Variants in PKIB observed in about 807,000 individuals in gnomAD.
PKIB encodes the protein PKI-beta.
Under a neutral mutation model 4.5 loss-of-function variants are expected in PKIB, and 2 were observed. The ratio of observed to expected loss-of-function variants is 0.44; its 90% CI spans 0.18 to 1.39. The LOEUF is 1.39. PKIB is among the 40% of genes most tolerant of loss of function. The pLI is 0.27. For missense variants in PKIB, 94 were observed against 92.6 expected (o/e 1.02, Z -0.06); for synonymous variants, 38 against 36.0 (o/e 1.06, Z -0.20).
At chr6:122,600,091 C>T (rs1258299354) in intron 3 of PKIB, among the ~76,000 whole-genome samples, 2 of 151,932 alleles carry the variant, frequency 1.3e-5, no homozygotes, top group Non-Finnish European at 2.9e-5. Context: ...ATCACAAGGT[C>T]CCACAATAGG....
chr6:122,578,375 C>T (rs1282541712), intron 2 of PKIB, among the ~76,000 whole-genome samples: 5 of 151,996 alleles, frequency 3.3e-5, no homozygotes, highest in Non-Finnish European at 7.4e-5. Flanking sequence ...CTTTCCTTTT[C>T]GGTATCTTTC....
intron 2 of PKIB, among the ~76,000 whole-genome samples, chr6:122,668,311 T>C (rs2114935496): frequency 6.6e-6 from 1 of 152,240 alleles, no homozygotes; most frequent in South Asian, 2.1e-4. Flanking sequence ...TCCAAACAAT[T>C]GGAAAGACCG....
chr6:122,545,751 C>T (rs988063740), intron 2 of PKIB, among the ~76,000 whole-genome samples: 1 of 150,762 alleles, frequency 6.6e-6, no homozygotes, highest in Non-Finnish European at 1.5e-5. Context: ...GCAATTTACC[C>T]ATGTAACAAA....
Position 122,654,123 on chromosome 6 carries a change from A to T in PKIB, c.-76+20756A>T, listed in dbSNP as rs141695123. ...GCTTGAAGCCAACCTGATAGTTTCC[A>T]TTGCCTCGTCTAGTCTTTCTTAAGC... On this transcript the variant is annotated intron_variant, in intron 2 of 4. Coordinates refer to ENST00000368452, the MANE Select transcript of PKIB (RefSeq NM_181795.3). Among the ~76,000 whole-genome samples, 4 of 152,232 alleles carry T rather than the reference A, an allele frequency of 2.6e-5. No homozygotes were observed. In the East Asian group the frequency reaches 7.7e-4, roughly 29 times the overall value.
rs77095188 is a variant in PKIB, at chr6:122,568,006, C to T, written c.-247-17915C>T. 2.2e-3 allele frequency among the ~76,000 whole-genome samples: 336 copies of T among 152,124 alleles called. 8 individuals carry two copies. The East Asian group carries it at 0.044, about 20-fold the overall frequency. The stretch of plus-strand genomic sequence containing the variant: ...TGTGCCTGAAATATGCTATTATTAA[C>T]ATTATTAATTAAAATATAGACAGAA... On this transcript the variant is annotated intron_variant, in intron 2 of 6. Coordinates refer to the PKIB transcript ENST00000392491.
chr6:122,631,626 A>G (rs1775707169), intron 1 of PKIB, among the ~76,000 whole-genome samples: 1 of 152,202 alleles, frequency 6.6e-6, no homozygotes, highest in African/African-American at 2.4e-5. Flanking sequence ...ACCTGGAGAG[A>G]CAGGCAGGAT....
In PKIB at chr6:122,628,313, AGGCGTGAGCCACC is replaced by A. The variant is rs1775550873; in HGVS notation, c.-160-4968_-160-4956del. Among the ~76,000 whole-genome samples, 16 of 152,372 alleles carry A rather than the reference AGGCGTGAGCCACC, an allele frequency of 1.1e-4. No individual in the cohort carries two copies. The South Asian group carries it at 3.1e-3, about 30-fold the overall frequency. The stretch of plus-strand genomic sequence containing the variant: ...CGGCCTCCCAAAGTGCTGGGATTAC[AGGCGTGAGCCACC>A]GCGCCCGGCCTCCAGTTCTTTCATT... On this transcript the variant is annotated intron_variant, in intron 1 of 4. Coordinates refer to ENST00000368452, the MANE Select transcript of PKIB (RefSeq NM_181795.3).
intron 1 of PKIB, among the ~76,000 whole-genome samples, chr6:122,621,760 T>C (rs1054052744): frequency 1.3e-5 from 2 of 152,364 alleles, no homozygotes; most frequent in African/African-American, 2.4e-5. Flanking sequence ...GTTAAATAGA[T>C]TGGACTTGAT....
At chr6:122,510,389 C>A (rs1776547815) in intron 2 of PKIB, among the ~76,000 whole-genome samples, 1 of 152,148 alleles carries the variant, frequency 6.6e-6, no homozygotes, top group African/African-American at 2.4e-5. Flanking sequence ...GTTTAACATA[C>A]CCTGAGGCAA....
At chr6:122,595,305 T>C (rs1327142252) in intron 3 of PKIB, among the ~76,000 whole-genome samples, 2 of 152,190 alleles carry the variant, frequency 1.3e-5, no homozygotes, top group East Asian at 1.9e-4. Flanking sequence ...TAATTGTGAC[T>C]TCAAAAGACC....
At chr6:122,509,308 C>T (rs1776516266) in intron 2 of PKIB, among the ~76,000 whole-genome samples, 1 of 152,226 alleles carries the variant, frequency 6.6e-6, no homozygotes, top group African/African-American at 2.4e-5. Context: ...GTTAAATTAA[C>T]TTGTCACGTA....
At chr6:122,661,520 A>G (rs1262143245) in intron 2 of PKIB, among the ~76,000 whole-genome samples, 8 of 152,212 alleles carry the variant, frequency 5.3e-5, no homozygotes, top group South Asian at 4.1e-4. Flanking sequence ...GGCATGTATC[A>G]ATCCTTCATT....
At chr6:122,540,814 C>G (rs1777572412) in intron 2 of PKIB, among the ~76,000 whole-genome samples, 2 of 151,792 alleles carry the variant, frequency 1.3e-5, no homozygotes, top group African/African-American at 4.8e-5. Flanking sequence ...GTGTGGGAGT[C>G]TAAGTCTCTT....
At chr6:122,718,367 G>T (rs1232937450) in intron 4 of PKIB, among the ~76,000 whole-genome samples, 3 of 152,090 alleles carry the variant, frequency 2.0e-5, no homozygotes, top group Admixed American at 2.0e-4. Flanking sequence ...ACTGTAGTGT[G>T]CTACAAGCCC....
intron 3 of PKIB, among the ~76,000 whole-genome samples, chr6:122,692,456 C>G (rs1416232523): frequency 6.6e-6 from 1 of 152,206 alleles, no homozygotes; most frequent in Non-Finnish European, 1.5e-5. Flanking sequence ...AGGAATCTCT[C>G]TCTGTGGCCA....
At chr6:122,593,689 T>TA (rs1774082748) in intron 3 of PKIB, among the ~76,000 whole-genome samples, 1 of 152,226 alleles carries the variant, frequency 6.6e-6, no homozygotes, top group Non-Finnish European at 1.5e-5. Flanking sequence ...AAATCTAATG[T>TA]AAAAGCCTTA....
chr6:122,489,064 TG>T (rs1187153882), intron 2 of PKIB, among the ~76,000 whole-genome samples: 6 of 152,264 alleles, frequency 3.9e-5, no homozygotes, highest in African/African-American at 1.4e-4. Context: ...CCCAGAAAGT[TG>T]CCTTCTAGGC....
At chr6:122,713,900 C>T (rs1486860460) in intron 3 of PKIB, among the ~76,000 whole-genome samples, 1 of 152,046 alleles carries the variant, frequency 6.6e-6, no homozygotes, top group African/African-American at 2.4e-5. Context: ...TCCCCTTTTC[C>T]CCCTATAAAT....
At chr6:122,708,059 A>G (rs968154247) in intron 3 of PKIB, among the ~76,000 whole-genome samples, 4 of 152,238 alleles carry the variant, frequency 2.6e-5, no homozygotes, top group African/African-American at 7.2e-5. Context: ...GAATACATCA[A>G]TGAAACAACC....
Sources: gnomAD v4.1 joint callset for allele counts (sites outside exome capture counted in the v4.1 genomes callset) on GRCh38, gnomAD v4.1.1 for gene constraint, MANE v1.5 for transcripts, NCBI Gene and HGNC (gene_info 2026-07-23, HGNC 2026-07-21) for gene names.